Variants in MAP2K5 observed in about 807,000 individuals in gnomAD.
MAP2K5 encodes the protein mitogen-activated protein kinase kinase 5, also known as dual specificity mitogen-activated protein kinase kinase 5.
Under a neutral mutation model 83.1 loss-of-function variants are expected in MAP2K5, and 49 were observed. That is an observed-to-expected ratio of 0.59 (90% CI 0.47 to 0.75). The LOEUF (loss-of-function observed/expected upper bound fraction) is 0.75. Ranked by LOEUF, MAP2K5 falls within the 30% of genes least tolerant of loss-of-function variation. The pLI, the probability that MAP2K5 is intolerant of heterozygous loss-of-function variation, is 0.00. For synonymous variants in MAP2K5, 202 were observed against 191.8 expected (o/e 1.05, Z -0.44); for missense variants, 457 against 557.5 (o/e 0.82, Z 1.82).
rs145251929 is a variant in MAP2K5, at chr15:67,708,768, A to G, written c.1044+5360A>G. 3.1e-4 allele frequency among the ~76,000 whole-genome samples: 47 copies of G among 152,294 alleles called. No individual in the cohort carries two copies. Among genetic ancestry groups the G allele is most frequent in the Non-Finnish European group, 6.6e-4 (45 of 68,034 alleles). On this transcript the variant is annotated intron_variant, in intron 16 of 21. Transcript: ENST00000178640. This position sits in a 1 kb window ranked among gnomAD's most constrained non-coding sequence, Gnocchi z 4.9. Reference sequence around the variant, plus strand: ...AGGCCTCTTGCCACACTCTTTCATAAAAGATGATGCTACATGCTGCTAAAA... The same window carrying G: ...AGGCCTCTTGCCACACTCTTTCATAGAAGATGATGCTACATGCTGCTAAAA...
intron 17 of MAP2K5, among the ~76,000 whole-genome samples, chr15:67,735,285 G>A (rs1003506235): frequency 6.6e-5 from 10 of 152,310 alleles, no homozygotes; most frequent in South Asian, 6.2e-4. Flanking sequence ...GGGTAGCTTA[G>A]AAATGTGAAA....
chr15:67,572,321 A>G lies in MAP2K5; in HGVS notation c.253-8433A>G, dbSNP rs1475370793. Among the ~76,000 whole-genome samples the G allele has an allele frequency of 6.6e-6, 1 of 152,116 alleles. No homozygotes were observed. The highest frequency in any genetic ancestry group is 1.5e-5 in the Non-Finnish European group (1 of 68,016). ...GAGGGCCTTAGCCCAGGGAAGTGAC[A>G]TGATCATATCTCATATTGTCAGAGG... On this transcript the variant is annotated intron_variant, in intron 3 of 21. Transcript: ENST00000178640. The surrounding 1 kb of genome is among the most constrained non-coding windows in gnomAD (Gnocchi z 4.2).
rs2085079999 is a variant in MAP2K5, at chr15:67,577,018, C to T, written c.253-3736C>T. Reference sequence around the variant, plus strand: ...TGGCGCAATCTCGGCTCACTGCAAGCTCCGCTTCCCGGGTTCACGCCATTC... The same window carrying T: ...TGGCGCAATCTCGGCTCACTGCAAGTTCCGCTTCCCGGGTTCACGCCATTC... On this transcript the variant is annotated intron_variant, in intron 3 of 21. Coordinates refer to ENST00000178640, the MANE Select transcript of MAP2K5 (RefSeq NM_145160.3). This position sits in a 1 kb window ranked among gnomAD's most constrained non-coding sequence, Gnocchi z 4.1. Among the ~76,000 whole-genome samples, 1 of 143,752 alleles carries T rather than the reference C, an allele frequency of 7.0e-6. No individual in the cohort carries two copies. The highest frequency in any genetic ancestry group is 6.9e-5 in the Admixed American group (1 of 14,542). 94.3% of individuals were successfully genotyped at this position (143,752 alleles called of 152,430 possible).
At chr15:67,752,551 A>C (rs2089743750) in intron 19 of MAP2K5, among the ~76,000 whole-genome samples, 1 of 151,712 alleles carries the variant, frequency 6.6e-6, no homozygotes, top group Admixed American at 6.6e-5. Context: ...GCTGGCAGGC[A>C]CCTGTAATCC....
intron 8 of MAP2K5, among the ~76,000 whole-genome samples, chr15:67,623,245 G>C (rs761939087): frequency 2.6e-5 from 4 of 152,198 alleles, no homozygotes; most frequent in Non-Finnish European, 4.4e-5. Flanking sequence ...ATTAACACCT[G>C]AATGGCGTAC....
At chr15:67,710,324 CG>C (rs1434863624) in intron 16 of MAP2K5, among the ~76,000 whole-genome samples, 1 of 152,062 alleles carries the variant, frequency 6.6e-6, no homozygotes, top group Non-Finnish European at 1.5e-5. Context: ...ATCTAGTCCT[CG>C]GAGACCCCTC....
At chr15:67,721,389 C>T (rs1022893596) in intron 16 of MAP2K5, among the ~76,000 whole-genome samples, 16 of 152,072 alleles carry the variant, frequency 1.1e-4, no homozygotes, top group Non-Finnish European at 1.5e-5. Context: ...AATATTGGCA[C>T]CCGTTAAGGC....
At chr15:67,791,905 C>T (rs541671078) in intron 21 of MAP2K5, among the ~76,000 whole-genome samples, 3 of 152,340 alleles carry the variant, frequency 2.0e-5, no homozygotes, top group Middle Eastern at 6.8e-3. Flanking sequence ...ATCTGTTCCC[C>T]TCACCACCAG....
rs919852862 is a variant in MAP2K5, at chr15:67,801,411, A to G, written c.1243-5235A>G. The stretch of plus-strand genomic sequence containing the variant: ...TCCTTGGCCTCCTATCCCATGCAGC[A>G]TCCTTGGTGGGAGAGGATGTGCTTG... On this transcript the variant is annotated intron_variant, in intron 21 of 21. Coordinates refer to ENST00000178640, the MANE Select transcript of MAP2K5 (RefSeq NM_145160.3). The surrounding 1 kb of genome is among the most constrained non-coding windows in gnomAD (Gnocchi z 4.8). Among the ~76,000 whole-genome samples, 1 of 152,224 alleles carries G rather than the reference A, an allele frequency of 6.6e-6. No individual in the cohort carries two copies. The highest frequency in any genetic ancestry group is 2.4e-5 in the African/African-American group (1 of 41,450).
At chr15:67,593,903 A>G (rs2085468334) in intron 7 of MAP2K5, among the ~76,000 whole-genome samples, 1 of 152,230 alleles carries the variant, frequency 6.6e-6, no homozygotes, top group African/African-American at 2.4e-5. Context: ...AAGTACTTGT[A>G]GTGGAGCATG....
At chr15:67,673,263 A>T (rs72749397) in intron 13 of MAP2K5, among the ~76,000 whole-genome samples, 1 of 151,952 alleles carries the variant, frequency 6.6e-6, no homozygotes, top group Non-Finnish European at 1.5e-5. Context: ...AAAAAAATGC[A>T]CAAGACAGTC....
chr15:67,722,112 TA>T lies in MAP2K5; in HGVS notation c.1045-5802del, dbSNP rs898965172. ...CTGTTAGGCCTGATGGTGTTAGTAA[TA>T]ATCCTCTTCCTCATAGTTCTAGACA... On this transcript the variant is annotated intron_variant, in intron 16 of 21. Transcript: ENST00000178640. The surrounding 1 kb of genome is among the most constrained non-coding windows in gnomAD (Gnocchi z 4.2). 1.3e-5 allele frequency among the ~76,000 whole-genome samples: 2 copies of T among 152,208 alleles called. No individual in the cohort carries two copies. Among genetic ancestry groups the T allele is most frequent in the Non-Finnish European group, 2.9e-5 (2 of 68,034 alleles).
At chr15:67,608,514 C>T (rs2085832113) in intron 8 of MAP2K5, among the ~76,000 whole-genome samples, 1 of 152,162 alleles carries the variant, frequency 6.6e-6, no homozygotes, top group African/African-American at 2.4e-5. Context: ...GGCCACCTGT[C>T]TGTGTGTATG....
intron 8 of MAP2K5, among the ~76,000 whole-genome samples, chr15:67,624,077 C>T (rs1211867982): frequency 2.0e-5 from 3 of 151,390 alleles, no homozygotes; most frequent in Non-Finnish European, 4.4e-5. Context: ...CAGTGGCTCA[C>T]ACCTGTAATC....
chr15:67,634,411 A>G (rs1423781624), intron 9 of MAP2K5, among the ~76,000 whole-genome samples: 2 of 124,920 alleles, frequency 1.6e-5, no homozygotes, highest in African/African-American at 6.1e-5. Context: ...AAAAAAAAAG[A>G]ATGTATAATC....
intron 13 of MAP2K5, among the ~76,000 whole-genome samples, chr15:67,675,737 T>C (rs755373254): frequency 6.6e-6 from 1 of 152,220 alleles, no homozygotes. Context: ...TGTAGTTACC[T>C]GTATTCAGAA....
Position 67,720,077 on chromosome 15 carries a change from G to A in MAP2K5, c.1045-7839G>A, listed in dbSNP as rs1032655871. Among the ~76,000 whole-genome samples, 1 of 152,116 alleles carries A rather than the reference G, an allele frequency of 6.6e-6. No homozygotes were observed. Among genetic ancestry groups the A allele is most frequent in the East Asian group, 1.9e-4 (1 of 5,196 alleles). ...CTACAAAAGTGGGCATTTTTAAATT[G>A]AGGGTTTTTTCCCCTTTTTTATTTA... On this transcript the variant is annotated intron_variant, in intron 16 of 21. Coordinates refer to ENST00000178640, the MANE Select transcript of MAP2K5 (RefSeq NM_145160.3). The surrounding 1 kb of genome is among the most constrained non-coding windows in gnomAD (Gnocchi z 5.7).
chr15:67,703,144 A>G (rs1228076138), intron 15 of MAP2K5, among the ~76,000 whole-genome samples, 193 bp from the exon 16 acceptor site: 3 of 152,184 alleles, frequency 2.0e-5, no homozygotes, highest in Non-Finnish European at 2.9e-5. Flanking sequence ...GAATATATCT[A>G]TATATAATTT....
At chr15:67,797,706 A>G (rs1596990585) in intron 21 of MAP2K5, among the ~76,000 whole-genome samples, 1 of 151,896 alleles carries the variant, frequency 6.6e-6, no homozygotes, top group South Asian at 2.1e-4. Flanking sequence ...TTTTTGAGAC[A>G]GAGTCTCACC....
Sources: allele counts gnomAD v4.1 joint callset (sites outside exome capture counted in the v4.1 genomes callset), GRCh38; gene constraint gnomAD v4.1.1; non-coding constraint Gnocchi (gnomAD v3.1); transcripts MANE v1.5; gene names NCBI Gene and HGNC (gene_info 2026-07-23, HGNC 2026-07-21).